DGCR2: variants seen among roughly 807,000 people sequenced by gnomAD.
DGCR2 encodes DiGeorge syndrome critical region gene 2.
In DGCR2, 24 loss-of-function variants were observed where a neutral mutation model predicts 51.6. The ratio of observed to expected loss-of-function variants is 0.47; its 90% CI spans 0.34 to 0.65. The LOEUF (loss-of-function observed/expected upper bound fraction) is 0.65. DGCR2 is among the 30% of genes least tolerant of loss of function. The pLI is 0.01. For synonymous variants in DGCR2, 340 were observed against 315.4 expected (o/e 1.08, Z -0.82); for missense variants, 765 against 772.1 (o/e 0.99, Z 0.11).
At chr22:19,053,131 C>A (rs2082566870) in intron 6 of DGCR2, among the ~76,000 whole-genome samples, 1 of 152,238 alleles carries the variant, frequency 6.6e-6, no homozygotes, top group Admixed American at 6.5e-5. Context: ...CTAATCAGAG[C>A]ATACCTGGAG....
intron 2 of DGCR2, among the ~76,000 whole-genome samples, chr22:19,076,767 C>G (rs1242489311): frequency 7.3e-4 from 86 of 118,554 alleles, no homozygotes; most frequent in South Asian, 2.0e-3. Flanking sequence ...GTCTCGCTCT[C>G]TCTCCCAGTC....
intron 7 of DGCR2, chr22:19,048,103 G>A: frequency 2.8e-6 from 1 of 355,450 alleles, no homozygotes; most frequent in Non-Finnish European, 5.3e-6. Flanking sequence ...TGAGGCAGGA[G>A]AACGGCTTAA....
chr22:19,046,752 G>A lies in DGCR2; in HGVS notation c.1006+1688C>T, dbSNP rs924004642. ...AGGCAGAGCAGGGCCCAGCTAAGTC[G>A]CTCTGGCCGTGCAGGAGAGAGGGCT... is the stretch of plus-strand genomic sequence containing the variant. On this transcript the variant is annotated intron_variant, in intron 7 of 9. Coordinates refer to ENST00000263196, the MANE Select transcript of DGCR2 (RefSeq NM_005137.3). The A allele has an allele frequency of 3.8e-4, 171 of 446,230 alleles. 1 individual carries two copies. Among genetic ancestry groups the A allele is most frequent in the African/African-American group, 2.9e-3 (147 of 50,032 alleles). 27.6% of individuals were successfully genotyped at this position (446,230 alleles called of 1,614,324 possible). A position where few individuals can be genotyped will look rare whatever the true frequency, so the allele number is the denominator to read the frequency against.
chr22:19,084,253 G>T (rs1373248647), intron 2 of DGCR2, among the ~76,000 whole-genome samples: 1 of 151,356 alleles, frequency 6.6e-6, no homozygotes, highest in Non-Finnish European at 1.5e-5. Flanking sequence ...CTTCCCTGTC[G>T]CCATCCCATC....
chr22:19,097,530 C>T (rs918101796), intron 1 of DGCR2, among the ~76,000 whole-genome samples: 3 of 152,048 alleles, frequency 2.0e-5, no homozygotes, highest in Admixed American at 1.3e-4. Flanking sequence ...CCAGCCTGGG[C>T]GACAGAGCAA....
intron 2 of DGCR2, among the ~76,000 whole-genome samples, chr22:19,086,386 G>A (rs974020802): frequency 4.6e-5 from 7 of 152,266 alleles, no homozygotes; most frequent in African/African-American, 1.7e-4. Flanking sequence ...GGCTGAGGCA[G>A]GAGAATGGCA....
At chr22:19,106,724 C>T (rs1397954694) in intron 1 of DGCR2, among the ~76,000 whole-genome samples, 1 of 152,172 alleles carries the variant, frequency 6.6e-6, no homozygotes, top group South Asian at 2.1e-4. Flanking sequence ...GACCCGCCTA[C>T]TCAGTGTCCC....
At chr22:19,056,621 G>A in intron 6 of DGCR2, 1 of 383,210 alleles carries the variant, frequency 2.6e-6, no homozygotes, top group Non-Finnish European at 4.7e-6. Flanking sequence ...GCAGAGAGAA[G>A]GATGGCAGAA....
intron 1 of DGCR2, among the ~76,000 whole-genome samples, chr22:19,090,625 T>C (rs1270542136): frequency 3.9e-5 from 6 of 152,244 alleles, no homozygotes; most frequent in East Asian, 1.9e-4. Context: ...ATTTTGACAA[T>C]AGTAGCACCA....
At chr22:19,071,557 G>A (rs1012385038) in intron 2 of DGCR2, among the ~76,000 whole-genome samples, 1 of 152,114 alleles carries the variant, frequency 6.6e-6, no homozygotes, top group Admixed American at 6.5e-5. Context: ...CTACAGAACT[G>A]ACCTGGACTC....
intron 2 of DGCR2, among the ~76,000 whole-genome samples, chr22:19,088,242 C>G (rs992494460): frequency 6.6e-6 from 1 of 152,174 alleles, no homozygotes; most frequent in African/African-American, 2.4e-5. Flanking sequence ...ATGGAAAAAT[C>G]AAGCCTGGGC....
chr22:19,090,922 G>A (rs1374571931), intron 1 of DGCR2, among the ~76,000 whole-genome samples: 1 of 152,060 alleles, frequency 6.6e-6, no homozygotes, highest in Non-Finnish European at 1.5e-5. Flanking sequence ...CACTCCAACT[G>A]AAAGGCAGAA....
intron 6 of DGCR2, among the ~76,000 whole-genome samples, chr22:19,055,082 C>T (rs979936354): frequency 6.6e-6 from 1 of 152,164 alleles, no homozygotes; most frequent in Non-Finnish European, 1.5e-5. Flanking sequence ...CGTCACTGCA[C>T]TCCAGCCTGG....
intron 6 of DGCR2, among the ~76,000 whole-genome samples, chr22:19,050,165 C>G (rs1445409153): frequency 6.6e-6 from 1 of 152,122 alleles, no homozygotes; most frequent in Non-Finnish European, 1.5e-5. Flanking sequence ...GCAAAGGAGC[C>G]ACAAACTGAC....
At chr22:19,082,980 C>T (rs1040167411) in intron 2 of DGCR2, among the ~76,000 whole-genome samples, 5 of 148,222 alleles carry the variant, frequency 3.4e-5, no homozygotes, top group East Asian at 4.0e-4. Flanking sequence ...CTAGCTACTC[C>T]GGAGACTGAG....
chr22:19,043,209 A>G (rs715590), intron 7 of DGCR2, among the ~76,000 whole-genome samples: 65,310 of 152,092 alleles, frequency 0.43, 14,357 homozygotes, highest in African/African-American at 0.53. Context: ...GCTTTTCGTG[A>G]CCACCACTTG....
At chr22:19,105,470 G>A (rs989455424) in intron 1 of DGCR2, among the ~76,000 whole-genome samples, 1 of 152,206 alleles carries the variant, frequency 6.6e-6, no homozygotes, top group African/African-American at 2.4e-5. Flanking sequence ...CTTGAATGGG[G>A]CCTCAGAGAT....
chr22:19,075,532 C>T (rs1355097727), intron 2 of DGCR2, among the ~76,000 whole-genome samples: 1 of 152,164 alleles, frequency 6.6e-6, no homozygotes, highest in African/African-American at 2.4e-5. Flanking sequence ...CCATCCATCT[C>T]CAGAACTTTT....
intron 3 of DGCR2, 137 bp from the exon 4 acceptor site, chr22:19,065,204 G>A: frequency 1.4e-6 from 1 of 705,160 alleles, no homozygotes; most frequent in Admixed American, 2.6e-5. Context: ...AGAGGACAAG[G>A]TCTGCTTCTG....
Sources: gnomAD v4.1 joint callset for allele counts (sites outside exome capture counted in the v4.1 genomes callset) on GRCh38, gnomAD v4.1.1 for gene constraint, MANE v1.5 for transcripts, NCBI Gene and HGNC (gene_info 2026-07-23, HGNC 2026-07-21) for gene names.